SLC24A2: variants seen among roughly 807,000 people sequenced by gnomAD.
SLC24A2 encodes the protein sodium/potassium/calcium exchanger 2.
Under a neutral mutation model 62.0 loss-of-function variants are expected in SLC24A2, and 36 were observed. That is an observed-to-expected ratio of 0.58 (90% confidence interval 0.44 to 0.77). The LOEUF is 0.77. Among genes scored for constraint, SLC24A2 ranks in the 30% least tolerant of loss-of-function variants. The probability of loss-of-function intolerance (pLI) is 0.00; values close to 1 mark genes in which losing one functional copy is unlikely to be tolerated. For missense variants in SLC24A2, 846 were observed against 817.9 expected (o/e 1.03, Z -0.42); for synonymous variants, 358 against 294.0 (o/e 1.22, Z -2.23).
the SLC24A2 span, among the ~76,000 whole-genome samples, chr9:20,212,084 T>C: frequency 6.7e-6 from 1 of 148,736 alleles, no homozygotes; most frequent in Non-Finnish European, 1.5e-5. Context: ...GAATTCAAAA[T>C]AAATTTTAAA....
chr9:19,868,979 GT>G, the SLC24A2 span, among the ~76,000 whole-genome samples: 1 of 152,022 alleles, frequency 6.6e-6, no homozygotes, highest in Non-Finnish European at 1.5e-5. Flanking sequence ...AGTTATTTAT[GT>G]GGGATTTTTT....
At chr9:20,270,471 T>C in the SLC24A2 span, among the ~76,000 whole-genome samples, 2 of 152,190 alleles carry the variant, frequency 1.3e-5, no homozygotes, top group Admixed American at 1.3e-4. Flanking sequence ...TCCTCCCTTC[T>C]CTTTGCAACC....
the SLC24A2 span, among the ~76,000 whole-genome samples, chr9:20,294,196 T>A: frequency 6.6e-6 from 1 of 151,990 alleles, no homozygotes; most frequent in Non-Finnish European, 1.5e-5. Context: ...AGATCCCATA[T>A]CTGTAGGCTG....
the SLC24A2 span, among the ~76,000 whole-genome samples, chr9:20,248,573 C>T: frequency 3.9e-5 from 6 of 152,256 alleles, no homozygotes; most frequent in Middle Eastern, 3.4e-3. Flanking sequence ...GCACTAATCC[C>T]GTTAATGAGG....
chr9:19,766,557 C>T (rs373849119), intron 2 of SLC24A2, among the ~76,000 whole-genome samples: 1 of 152,224 alleles, frequency 6.6e-6, no homozygotes, highest in African/African-American at 2.4e-5. Flanking sequence ...AGACAGGCCC[C>T]TCTTCTGTAG....
the SLC24A2 span, among the ~76,000 whole-genome samples, chr9:20,245,448 C>A: frequency 2.0e-5 from 3 of 152,080 alleles, no homozygotes; most frequent in East Asian, 1.9e-4. Flanking sequence ...CGTAAGGAGT[C>A]CAGTATGGGT....
chr9:19,715,198 T>C (rs1275880674), intron 2 of SLC24A2, among the ~76,000 whole-genome samples: 5 of 152,202 alleles, frequency 3.3e-5, no homozygotes, highest in Non-Finnish European at 7.3e-5. Flanking sequence ...ACAAAATACA[T>C]TTTCATGAAC....
chr9:19,773,619 T>C (rs908730674), intron 2 of SLC24A2, among the ~76,000 whole-genome samples: 3 of 152,222 alleles, frequency 2.0e-5, no homozygotes, highest in African/African-American at 7.2e-5. Flanking sequence ...ATCAACTTCT[T>C]GAAGCATTAA....
At chr9:19,791,715 G>C (rs1347361832), upstream of SLC24A2, among the ~76,000 whole-genome samples, 1 of 152,212 alleles carries the variant, frequency 6.6e-6, no homozygotes, top group Non-Finnish European at 1.5e-5. Flanking sequence ...TTATTGCCTA[G>C]TCATAAAGAA....
At chr9:19,556,838 A>G (rs921333186) in intron 7 of SLC24A2, among the ~76,000 whole-genome samples, 4 of 152,246 alleles carry the variant, frequency 2.6e-5, no homozygotes, top group African/African-American at 9.6e-5. Context: ...ATTGCAAGGC[A>G]GAGCTCATTT....
chr9:19,975,940 C>A, the SLC24A2 span, among the ~76,000 whole-genome samples: 3 of 152,030 alleles, frequency 2.0e-5, no homozygotes, highest in African/African-American at 7.2e-5. Context: ...GTATCTTGTT[C>A]TATCACCCAA....
the SLC24A2 span, among the ~76,000 whole-genome samples, chr9:19,859,332 C>T: frequency 2.0e-5 from 3 of 152,042 alleles, no homozygotes; most frequent in Non-Finnish European, 4.4e-5. Flanking sequence ...ACAATAGACA[C>T]TGGGGATTAC....
the SLC24A2 span, among the ~76,000 whole-genome samples, chr9:20,201,896 G>T: frequency 6.6e-6 from 1 of 152,122 alleles, no homozygotes; most frequent in Non-Finnish European, 1.5e-5. Flanking sequence ...ATTTGTCATT[G>T]CTGTACAGCC....
the SLC24A2 span, among the ~76,000 whole-genome samples, chr9:19,932,737 A>G: frequency 6.6e-6 from 1 of 152,172 alleles, no homozygotes; most frequent in Non-Finnish European, 1.5e-5. Context: ...TGACACCTAC[A>G]ATACCCTCTC....
At chr9:19,642,693 T>TAACATATCTGAATGAATTCA (rs1818534214) in intron 2 of SLC24A2, among the ~76,000 whole-genome samples, 2 of 141,834 alleles carry the variant, frequency 1.4e-5, no homozygotes, top group African/African-American at 5.3e-5. Context: ...TTTTTTTTTT[T>TAACATATCTGAATGAATTCA]TTTTTGAGAC....
intron 7 of SLC24A2, among the ~76,000 whole-genome samples, chr9:19,552,155 T>TCTTC (rs1404482370): frequency 3.3e-5 from 5 of 152,214 alleles, no homozygotes; most frequent in Non-Finnish European, 7.3e-5. Context: ...TTGCTTTCTT[T>TCTTC]CTTCCATCCT....
chr9:19,522,741 T>A (rs1563929892), intron 9 of SLC24A2, among the ~76,000 whole-genome samples: 1 of 152,168 alleles, frequency 6.6e-6, no homozygotes, highest in Non-Finnish European at 1.5e-5. Flanking sequence ...GGCAGGCTCT[T>A]AATACTGATT....
At chr9:19,874,854 C>T in the SLC24A2 span, among the ~76,000 whole-genome samples, 3 of 152,142 alleles carry the variant, frequency 2.0e-5, no homozygotes, top group East Asian at 1.9e-4. Flanking sequence ...TATTGTTCTT[C>T]AATTTTTGTC....
At chr9:20,061,900 C>G in the SLC24A2 span, among the ~76,000 whole-genome samples, 4,015 of 152,076 alleles carry the variant, frequency 0.026, 168 homozygotes, top group African/African-American at 0.09. Flanking sequence ...GGGCAACCCA[C>G]GGAGTGGATG....
Sources: allele counts gnomAD v4.1 joint callset (sites outside exome capture counted in the v4.1 genomes callset), GRCh38; gene constraint gnomAD v4.1.1; transcripts MANE v1.5; gene names NCBI Gene and HGNC (gene_info 2026-07-23, HGNC 2026-07-21).